The following BLACAT1 variants were observed in gnomAD, a reference collection of about 807,000 sequenced individuals.
BLACAT1 encodes the protein bladder cancer associated transcript 1.
At chr1:205,442,766 T>C (rs1666317042) in intron 1 of BLACAT1, among the ~76,000 whole-genome samples, 1 of 152,132 alleles carries the variant, frequency 6.6e-6, no homozygotes, top group African/African-American at 2.4e-5. Flanking sequence ...AGGATATATA[T>C]AGAGCCAAGA....
At position 205,448,486 on chromosome 1, in the gene BLACAT1, C is replaced by T; in HGVS notation, c.-36-7424G>A. On this transcript the variant is annotated intron_variant, in intron 1 of 1. Coordinates refer to ENST00000629624, the Ensembl canonical transcript of BLACAT1. The surrounding 1 kb of genome is among the most constrained non-coding windows in gnomAD (Gnocchi z 4.7). ...ACTCCCCTTCTCAGCACCCCCGACC[C>T]CAGACCCACCCACACTGCCTCCCTC... 2.1e-6 allele frequency: 1 copy of T among 477,246 alleles called. No individual in the cohort carries two copies. Among genetic ancestry groups the T allele is most frequent in the Non-Finnish European group, 4.2e-6 (1 of 236,624 alleles). 29.6% of individuals were successfully genotyped at this position (477,246 alleles called of 1,614,324 possible).
downstream of BLACAT1, chr1:205,435,628 C>T (rs1666193135): frequency 6.6e-6 from 1 of 152,142 alleles, no homozygotes; most frequent in Admixed American, 6.5e-5. Flanking sequence ...TTTAGGAGGG[C>T]AGGGGTTGGC....
At chr1:205,436,784 A>C (rs1218517511), downstream of BLACAT1, 1 of 152,252 alleles carries the variant, frequency 6.6e-6, no homozygotes, top group African/African-American at 2.4e-5. Flanking sequence ...CAAGGAGCCC[A>C]CTGAACTCAG....
chr1:205,454,551 A>T (rs11579020), intron 1 of BLACAT1, among the ~76,000 whole-genome samples: 16,088 of 140,450 alleles, frequency 0.11, 1,032 homozygotes, highest in East Asian at 0.16. Context: ...TGTGTGTGTG[A>T]GAGAGAGAGA....
chr1:205,454,394 A>C (rs1575015350), intron 1 of BLACAT1, among the ~76,000 whole-genome samples: 1 of 131,744 alleles, frequency 7.6e-6, no homozygotes, highest in Non-Finnish European at 1.6e-5. Context: ...CAGCTCTGAG[A>C]CTCCTGGATG....
chr1:205,445,756 C>T (rs1373610210), intron 1 of BLACAT1, among the ~76,000 whole-genome samples: 1 of 152,152 alleles, frequency 6.6e-6, no homozygotes, highest in Non-Finnish European at 1.5e-5. Context: ...GAGTGGGCAA[C>T]GTGACAGGCA....
intron 1 of BLACAT1, among the ~76,000 whole-genome samples, chr1:205,442,727 GTATA>G (rs1440485361): frequency 6.6e-6 from 1 of 152,212 alleles, no homozygotes; most frequent in African/African-American, 2.4e-5. Context: ...CTCTGGTGGA[GTATA>G]TATAGTTAGC....
intron 1 of BLACAT1, among the ~76,000 whole-genome samples, chr1:205,455,684 G>A (rs1666554128): frequency 6.6e-6 from 1 of 152,316 alleles, no homozygotes; most frequent in Non-Finnish European, 1.5e-5. Flanking sequence ...GGGGCGGGGA[G>A]GGGGCTTCCT....
chr1:205,446,221 T>G (rs547517383), intron 1 of BLACAT1, among the ~76,000 whole-genome samples: 3 of 152,350 alleles, frequency 2.0e-5, no homozygotes. Context: ...CCTGTCCCAT[T>G]GGCAGTAGCC....
At position 205,448,099 on chromosome 1, in the gene BLACAT1, G is replaced by A. The variant is rs1252650733; in HGVS notation, c.-36-7037C>T. Among the ~76,000 whole-genome samples the A allele has an allele frequency of 6.6e-6, 1 of 152,196 alleles. No homozygotes were observed. The highest frequency in any genetic ancestry group is 2.4e-5 in the African/African-American group (1 of 41,450). ...CCTTCCTCAGAGGGAATCTCCCTCTGGAATCACCGGCCCAGTCTCTTCATT... is the reference window on the plus strand; with the variant it reads ...CCTTCCTCAGAGGGAATCTCCCTCTAGAATCACCGGCCCAGTCTCTTCATT... On this transcript the variant is annotated intron_variant, in intron 1 of 1. Transcript: ENST00000629624. This position sits in a 1 kb window ranked among gnomAD's most constrained non-coding sequence, Gnocchi z 4.7.
rs1323246309 is a variant in BLACAT1 at position 205,448,886 on chromosome 1, G to A, written c.-37+7031C>T. Among the ~76,000 whole-genome samples, 2 of 152,146 alleles carry A rather than the reference G, an allele frequency of 1.3e-5. No individual in the cohort carries two copies. Among genetic ancestry groups the A allele is most frequent in the Non-Finnish European group, 2.9e-5 (2 of 68,016 alleles). On this transcript the variant is annotated intron_variant, in intron 1 of 1. Transcript: ENST00000629624. This position sits in a 1 kb window ranked among gnomAD's most constrained non-coding sequence, Gnocchi z 4.7. ...GAGGGTCTGGGTAAAGGAGGGCAGC[G>A]ATGAGGACCTACCCTTTGTTTAGAG...
chr1:205,451,374 G>A (rs529862583), intron 1 of BLACAT1, among the ~76,000 whole-genome samples: 9 of 152,268 alleles, frequency 5.9e-5, no homozygotes, highest in Admixed American at 1.3e-4. Context: ...CCATTCAGCC[G>A]GATTTGGGAA....
Position 205,448,408 on chromosome 1 carries a change from A to G in BLACAT1, c.-36-7346T>C, listed in dbSNP as rs781492935. On this transcript the variant is annotated intron_variant, in intron 1 of 1. Transcript: ENST00000629624. This position sits in a 1 kb window ranked among gnomAD's most constrained non-coding sequence, Gnocchi z 4.7. ...AGGCCACAGCAGAGTGGAGGGGTCC[A>G]GCGGCAGGAATCTCATAGGGAAGCG... 5.6e-6 allele frequency: 3 copies of G among 534,056 alleles called. No individual in the cohort carries two copies. The highest frequency in any genetic ancestry group is 2.8e-5 in the South Asian group (2 of 71,532). The allele number at this position is 534,056 out of a possible 1,614,324, so 33.1% of individuals were successfully genotyped here.
chr1:205,454,162 T>C (rs1442059214), intron 1 of BLACAT1, among the ~76,000 whole-genome samples: 2 of 152,114 alleles, frequency 1.3e-5, no homozygotes, highest in Non-Finnish European at 2.9e-5. Flanking sequence ...ATGGGCACCG[T>C]GCTAGGCACC....
In BLACAT1 at chr1:205,448,898, C is replaced by A. The variant is rs987182016; in HGVS notation, c.-37+7019G>T. ...AAAGGAGGGCAGCGATGAGGACCTA[C>A]CCTTTGTTTAGAGGGGTTAAATAGG... On this transcript the variant is annotated intron_variant, in intron 1 of 1. Coordinates refer to ENST00000629624, the Ensembl canonical transcript of BLACAT1. This position sits in a 1 kb window ranked among gnomAD's most constrained non-coding sequence, Gnocchi z 4.7. Among the ~76,000 whole-genome samples the A allele has an allele frequency of 6.6e-6, 1 of 152,100 alleles. No homozygotes were observed. Among genetic ancestry groups the A allele is most frequent in the Non-Finnish European group, 1.5e-5 (1 of 68,002 alleles).
At chr1:205,452,610 C>T (rs1223399619) in intron 1 of BLACAT1, among the ~76,000 whole-genome samples, 1 of 152,176 alleles carries the variant, frequency 6.6e-6, no homozygotes, top group Admixed American at 6.5e-5. Context: ...TTAAGTTAGA[C>T]AGATAAAACC....
chr1:205,450,107 G>T lies in BLACAT1; in HGVS notation c.-37+5810C>A, dbSNP rs1189204676. Among the ~76,000 whole-genome samples the T allele has an allele frequency of 6.6e-6, 1 of 151,666 alleles. No homozygotes were observed. Among genetic ancestry groups the T allele is most frequent in the African/African-American group, 2.4e-5 (1 of 41,402 alleles). Reference sequence around the variant, plus strand: ...CTCCCCCAGCCCTGAGGACGGTGGGGGTGGGGGTGGGGGCGGGCTGGGCAG... The same window carrying T: ...CTCCCCCAGCCCTGAGGACGGTGGGTGTGGGGGTGGGGGCGGGCTGGGCAG... On this transcript the variant is annotated intron_variant, in intron 1 of 1. Transcript: ENST00000629624. This position sits in a 1 kb window ranked among gnomAD's most constrained non-coding sequence, Gnocchi z 4.4.
At chr1:205,442,064 C>T (rs977842936) in intron 1 of BLACAT1, among the ~76,000 whole-genome samples, 2 of 152,174 alleles carry the variant, frequency 1.3e-5, no homozygotes, top group African/African-American at 2.4e-5. Context: ...CCTTCCTCTG[C>T]CCCTGGGCCT....
intron 1 of BLACAT1, among the ~76,000 whole-genome samples, chr1:205,444,817 C>T (rs912712814): frequency 4.6e-5 from 7 of 151,996 alleles, no homozygotes. Context: ...GCGCCCCCCA[C>T]GACCCATCCC....
Sources: allele counts gnomAD v4.1 joint callset (sites outside exome capture counted in the v4.1 genomes callset), GRCh38; gene constraint gnomAD v4.1.1; non-coding constraint Gnocchi (gnomAD v3.1); transcripts MANE v1.5; gene names NCBI Gene and HGNC (gene_info 2026-07-23, HGNC 2026-07-21).